MTHFSD: variants seen among roughly 807,000 people sequenced by gnomAD.
The protein encoded by MTHFSD is methenyltetrahydrofolate synthase domain-containing protein.
A neutral mutation model predicts 31.1 loss-of-function variants in MTHFSD; 37 were observed. That is an observed-to-expected ratio of 1.19 (90% CI 0.91 to 1.56). MTHFSD has a LOEUF of 1.56. Ranked by LOEUF, MTHFSD falls within the 40% of genes most tolerant of loss-of-function variation. The probability of loss-of-function intolerance (pLI) is 0.00; values close to 1 mark genes in which losing one functional copy is unlikely to be tolerated. For synonymous variants in MTHFSD, 221 were observed against 206.9 expected (o/e 1.07, Z -0.59); for missense variants, 664 against 510.1 (o/e 1.30, Z -2.91).
chr16:86,552,338 C>T (rs778467868), intron 2 of MTHFSD, 192 bp from the exon 3 acceptor site: 1 of 1,486,894 alleles, frequency 6.7e-7, no homozygotes, highest in South Asian at 1.3e-5. Flanking sequence ...AGCACGCTCT[C>T]AGGCCAACTG....
At chr16:86,533,848 T>G (rs1970310460) in intron 7 of MTHFSD, 1 of 152,256 alleles carries the variant, frequency 6.6e-6, no homozygotes. Flanking sequence ...AACAGCCAAG[T>G]GCATTCCTGC....
intron 7 of MTHFSD, 48 bp from the exon 8 acceptor site, chr16:86,532,529 G>T: frequency 7.4e-7 from 1 of 1,356,258 alleles, no homozygotes; most frequent in Non-Finnish European, 9.6e-7. Flanking sequence ...AATCGCAGGG[G>T]CACCTGCCAC....
Position 86,532,006 on chromosome 16 carries a change from C to T in MTHFSD, c.*5G>A, listed in dbSNP as rs375146865. On this transcript the variant is annotated 3_prime_UTR_variant, in exon 8 of 8. Transcript: ENST00000360900. Reference sequence around the variant, plus strand: ...CTGCAGTGAGCTCCGTGGCTGTCCACGAGGTCACTTGTCCCTCTGCTGCCT... The same window carrying T: ...CTGCAGTGAGCTCCGTGGCTGTCCATGAGGTCACTTGTCCCTCTGCTGCCT... 84 of 1,461,806 alleles carry T rather than the reference C, an allele frequency of 5.7e-5. No homozygotes were observed. The South Asian group carries it at 6.7e-4, about 12-fold the overall frequency. 90.6% of individuals were successfully genotyped at this position (1,461,806 alleles called of 1,614,324 possible).
chr16:86,549,022 A>G (rs1165980304), intron 3 of MTHFSD, among the ~76,000 whole-genome samples: 1 of 152,248 alleles, frequency 6.6e-6, no homozygotes. Flanking sequence ...AAACATTTCT[A>G]TCTAGTTTGA....
chr16:86,548,705 G>T, intron 3 of MTHFSD, 128 bp from the exon 4 acceptor site: 1 of 699,418 alleles, frequency 1.4e-6, no homozygotes, highest in Non-Finnish European at 2.3e-6. Context: ...TTTGGTGTGT[G>T]CCAAGGAAAT....
At chr16:86,555,127 T>TC (rs1973910476) in intron 1 of MTHFSD, 42 bp downstream of exon 1, 1 of 1,530,906 alleles carries the variant, frequency 6.5e-7, no homozygotes. Flanking sequence ...CGGCTGTCCC[T>TC]CCCCATTCCC....
chr16:86,538,320 G>C (rs1166247792), intron 7 of MTHFSD, among the ~76,000 whole-genome samples: 1 of 152,218 alleles, frequency 6.6e-6, no homozygotes, highest in Admixed American at 6.5e-5. Flanking sequence ...AGAGCTTCCA[G>C]GGTGGCGGCG....
chr16:86,544,922 T>C (rs779020088), intron 5 of MTHFSD, among the ~76,000 whole-genome samples: 5 of 152,176 alleles, frequency 3.3e-5, no homozygotes, highest in Non-Finnish European at 5.9e-5. Context: ...TGGATGGAGC[T>C]GGAAAACATT....
intron 3 of MTHFSD, among the ~76,000 whole-genome samples, chr16:86,551,047 C>T (rs1311519349): frequency 6.6e-6 from 1 of 152,192 alleles, no homozygotes; most frequent in East Asian, 1.9e-4. Flanking sequence ...TTATCAGCTG[C>T]GATTTGCTCC....
chr16:86,542,182 G>A lies in MTHFSD; in HGVS notation c.474C>T (p.Ala158=), dbSNP rs200844727. 163 of 1,613,534 alleles carry A rather than the reference G, an allele frequency of 1.0e-4. No individual in the cohort carries two copies. Among genetic ancestry groups the A allele is most frequent in the Middle Eastern group, 1.6e-4 (1 of 6,084 alleles). Residue 158 remains alanine (A), a synonymous_variant, in exon 6 of 8, where the codon GCC becomes GCT. Coordinates refer to ENST00000360900, the MANE Select transcript of MTHFSD (RefSeq NM_001159377.2). The surrounding 1 kb of genome is among the most constrained non-coding windows in gnomAD (Gnocchi z 4.6). ...ATACCATCATGGCATATTCCAGATCGGCGTAGCCTTCTCCCTTCCCGATTC... is the reference window on the plus strand; with the variant it reads ...ATACCATCATGGCATATTCCAGATCAGCGTAGCCTTCTCCCTTCCCGATTC... The part of the protein sequence containing the change: ...GWRIGKGEGY[A]DLEYAMMVSM...
intron 7 of MTHFSD, chr16:86,541,289 A>G: frequency 9.8e-7 from 1 of 1,025,292 alleles, no homozygotes; most frequent in South Asian, 1.7e-5. Context: ...CCAGATCGTC[A>G]GTAAAAAAAA....
intron 5 of MTHFSD, among the ~76,000 whole-genome samples, chr16:86,545,099 T>C (rs1016770513): frequency 6.6e-6 from 1 of 152,146 alleles, no homozygotes; most frequent in African/African-American, 2.4e-5. Context: ...AAATAGCTAA[T>C]GCATGCTGGG....
chr16:86,544,875 C>A lies in MTHFSD; in HGVS notation c.442+1684G>T, dbSNP rs543031123. On this transcript the variant is annotated intron_variant, in intron 5 of 7. Transcript: ENST00000360900. ...TATACACTATGGAATACTATGCAGC[C>A]ATAAAAAGGAATGAGAGCATGTCCT... Among the ~76,000 whole-genome samples, 5 of 152,256 alleles carry A rather than the reference C, an allele frequency of 3.3e-5. No individual in the cohort carries two copies. In the South Asian group the frequency reaches 1.0e-3, roughly 32 times the overall value.
intron 3 of MTHFSD, among the ~76,000 whole-genome samples, chr16:86,551,056 C>T (rs532502305): frequency 6.6e-6 from 1 of 152,314 alleles, no homozygotes; most frequent in East Asian, 1.9e-4. Context: ...GCGATTTGCT[C>T]CAGCAAAACC....
chr16:86,546,859 C>T (rs950069676), intron 4 of MTHFSD, among the ~76,000 whole-genome samples: 1 of 152,198 alleles, frequency 6.6e-6, no homozygotes, highest in Non-Finnish European at 1.5e-5. Flanking sequence ...CCCAGAAAGG[C>T]GGCCAAGAGG....
At chr16:86,551,302 T>C (rs1255974938) in intron 3 of MTHFSD, among the ~76,000 whole-genome samples, 5 of 152,196 alleles carry the variant, frequency 3.3e-5, no homozygotes, top group Non-Finnish European at 7.3e-5. Context: ...ATGTTTTCAG[T>C]TGAGGAACAA....
chr16:86,545,664 A>G, intron 5 of MTHFSD, among the ~76,000 whole-genome samples: 1 of 151,308 alleles, frequency 6.6e-6, no homozygotes, highest in South Asian at 2.1e-4. Context: ...CCCTCCTCAG[A>G]CTCCCCTTCC....
At chr16:86,546,474 CGACTTTTGAAA>C in intron 5 of MTHFSD, 74 bp downstream of exon 5, 1 of 1,214,626 alleles carries the variant, frequency 8.2e-7, no homozygotes, top group Non-Finnish European at 1.2e-6. Context: ...ACACCACTGG[CGACTTTTGAAA>C]GACAAACAGC....
chr16:86,554,859 C>T, intron 1 of MTHFSD, 108 bp from the exon 2 acceptor site: 1 of 1,102,116 alleles, frequency 9.1e-7, no homozygotes, highest in Admixed American at 2.5e-5. Flanking sequence ...AAACCGGCTT[C>T]CGATCCTGTT....
Sources: allele counts gnomAD v4.1 joint callset (sites outside exome capture counted in the v4.1 genomes callset), GRCh38; gene constraint gnomAD v4.1.1; non-coding constraint Gnocchi (gnomAD v3.1); transcripts MANE v1.5; gene names NCBI Gene and HGNC (gene_info 2026-07-23, HGNC 2026-07-21).